The following NEK1 variants were observed in gnomAD, a reference collection of about 807,000 sequenced individuals.
NEK1 encodes the protein serine/threonine-protein kinase Nek1.
A neutral mutation model predicts 182.1 loss-of-function variants in NEK1; 137 were observed. That is an observed-to-expected ratio of 0.75 (90% confidence interval 0.65 to 0.87). The LOEUF (loss-of-function observed/expected upper bound fraction) is 0.87, where lower values mean the gene tolerates loss of function less well. NEK1 is among the 40% of genes least tolerant of loss of function. The pLI is 0.00. For synonymous variants in NEK1, 513 were observed against 492.2 expected (o/e 1.04, Z -0.56); for missense variants, 1,391 against 1,494.4 (o/e 0.93, Z 1.14).
intron 19 of NEK1, among the ~76,000 whole-genome samples, chr4:169,515,231 T>A (rs528456096): frequency 1.1e-3 from 162 of 152,334 alleles, no homozygotes; most frequent in African/African-American, 3.8e-3. Context: ...GAATTTTTGA[T>A]GGGTGCTTAA....
chr4:169,514,909 A>C (rs1193143176), intron 19 of NEK1, among the ~76,000 whole-genome samples: 3 of 151,722 alleles, frequency 2.0e-5, no homozygotes, highest in Admixed American at 6.6e-5. Flanking sequence ...TTTTTTTCCT[A>C]GTATTTTGAG....
chr4:169,489,826 T>C (rs2149601378), intron 23 of NEK1, among the ~76,000 whole-genome samples: 1 of 152,294 alleles, frequency 6.6e-6, no homozygotes, highest in East Asian at 1.9e-4. Context: ...GCTATATCCC[T>C]GCTACCTGGG....
intron 24 of NEK1, among the ~76,000 whole-genome samples, chr4:169,477,729 T>C (rs1462139500): frequency 6.6e-6 from 1 of 152,052 alleles, no homozygotes; most frequent in Non-Finnish European, 1.5e-5. Context: ...GTCATATTTT[T>C]AGATTACTGC....
At chr4:169,491,136 CAAAAAAAAA>C (rs70964208) in intron 23 of NEK1, among the ~76,000 whole-genome samples, 39 of 45,908 alleles carry the variant, frequency 8.5e-4, no homozygotes, top group Non-Finnish European at 1.1e-3. Flanking sequence ...GACTCCATCT[CAAAAAAAAA>C]AAAAAAAAAA....
chr4:169,575,050 A>C (rs1765479315), intron 12 of NEK1, among the ~76,000 whole-genome samples: 1 of 152,164 alleles, frequency 6.6e-6, no homozygotes, highest in Non-Finnish European at 1.5e-5. Context: ...AAAACTATGC[A>C]GGGGTGGGGG....
At chr4:169,427,260 G>A (rs1000736337) in intron 29 of NEK1, among the ~76,000 whole-genome samples, 1 of 151,144 alleles carries the variant, frequency 6.6e-6, no homozygotes, top group African/African-American at 2.4e-5. Context: ...CCGAGTAGCT[G>A]GGACTACAGG....
intron 31 of NEK1, among the ~76,000 whole-genome samples, chr4:169,418,327 T>A (rs771938494): frequency 6.6e-6 from 1 of 152,134 alleles, no homozygotes; most frequent in African/African-American, 2.4e-5. Flanking sequence ...TACAGGAAGA[T>A]AGTAATAACA....
intron 2 of NEK1, among the ~76,000 whole-genome samples, chr4:169,608,926 T>C (rs1771846736): frequency 6.6e-6 from 1 of 151,890 alleles, no homozygotes; most frequent in South Asian, 2.1e-4. Context: ...CTGGGTGTGG[T>C]GGTGCAGGCC....
At chr4:169,443,907 A>C (rs1457048582) in intron 27 of NEK1, among the ~76,000 whole-genome samples, 1 of 152,194 alleles carries the variant, frequency 6.6e-6, no homozygotes, top group Non-Finnish European at 1.5e-5. Context: ...AACCAAAAAC[A>C]AACCAACAAC....
chr4:169,554,764 C>T (rs1761930172), intron 18 of NEK1: 1 of 152,034 alleles, frequency 6.6e-6, no homozygotes, highest in Non-Finnish European at 1.5e-5. Context: ...TCGTCAAAAG[C>T]CATGGAGTGT....
intron 32 of NEK1, among the ~76,000 whole-genome samples, chr4:169,406,378 C>T (rs1311553694): frequency 2.6e-5 from 4 of 151,398 alleles, no homozygotes; most frequent in African/African-American, 4.9e-5. Flanking sequence ...TCTTTTAATG[C>T]TGTTTACTAA....
At position 169,602,624 on chromosome 4, in the gene NEK1, T is replaced by C. The variant is rs1264653671; in HGVS notation, c.7A>G (p.Lys3Glu). 1.9e-6 allele frequency: 3 copies of C among 1,562,760 alleles called. No individual in the cohort carries two copies. The highest frequency in any genetic ancestry group is 2.6e-6 in the Non-Finnish European group (3 of 1,135,368). The stretch of plus-strand genomic sequence containing the variant: ...CCAATCTTCTGTAGTCTAACATACT[T>C]CTCCATGATTCTTTTTCTAAGGCAT... MEKYVRLQKIGEG... is the reference protein window; with the variant it reads MEEYVRLQKIGEG... Residue 3 changes from lysine (K) to glutamate (E), a missense_variant, in exon 3 of 36, where the codon AAG becomes GAG. Transcript: ENST00000507142.
chr4:169,412,137 T>C (rs956463386), intron 31 of NEK1, among the ~76,000 whole-genome samples: 18 of 152,360 alleles, frequency 1.2e-4, no homozygotes, highest in East Asian at 7.7e-4. Flanking sequence ...ATAGCAGATA[T>C]TTAATAAATA....
At chr4:169,513,675 T>C (rs191898267) in intron 19 of NEK1, among the ~76,000 whole-genome samples, 73 of 152,352 alleles carry the variant, frequency 4.8e-4, no homozygotes, top group Non-Finnish European at 2.6e-4. Flanking sequence ...GTCTTCTACC[T>C]GTATAATATT....
intron 23 of NEK1, among the ~76,000 whole-genome samples, chr4:169,480,369 T>C (rs1244480374): frequency 1.3e-5 from 2 of 152,138 alleles, no homozygotes; most frequent in Admixed American, 6.6e-5. Flanking sequence ...AACGGTAATA[T>C]TGCAATAAAG....
At chr4:169,528,652 T>G (rs1757241364) in intron 19 of NEK1, among the ~76,000 whole-genome samples, 1 of 152,098 alleles carries the variant, frequency 6.6e-6, no homozygotes, top group African/African-American at 2.4e-5. Context: ...AAGAAAAAAC[T>G]GACAGAACTA....
intron 27 of NEK1, among the ~76,000 whole-genome samples, chr4:169,443,398 A>G (rs1459267424): frequency 6.7e-6 from 1 of 150,116 alleles, no homozygotes; most frequent in Non-Finnish European, 1.5e-5. Context: ...TAAAATTACA[A>G]CTGAGAGCTT....
At chr4:169,597,794 C>T (rs573627967) in intron 5 of NEK1, among the ~76,000 whole-genome samples, 7 of 152,040 alleles carry the variant, frequency 4.6e-5, no homozygotes, top group East Asian at 3.9e-4. Flanking sequence ...ATTAGCCAGG[C>T]GTGGTGGCAG....
chr4:169,489,834 G>A (rs1749738329), intron 23 of NEK1, among the ~76,000 whole-genome samples: 1 of 152,068 alleles, frequency 6.6e-6, no homozygotes, highest in African/African-American at 2.4e-5. Context: ...CCTGCTACCT[G>A]GGCCCAAGCT....
Sources: allele counts gnomAD v4.1 joint callset (sites outside exome capture counted in the v4.1 genomes callset), GRCh38; gene constraint gnomAD v4.1.1; transcripts MANE v1.5; gene names NCBI Gene and HGNC (gene_info 2026-07-23, HGNC 2026-07-21).